The following PDE4D variants were observed in gnomAD, a reference collection of about 807,000 sequenced individuals.
The protein encoded by PDE4D is phosphodiesterase 4D.
In PDE4D, 24 loss-of-function variants were observed where a neutral mutation model predicts 87.4. The observed-to-expected ratio is 0.27, with a 90% CI of 0.20 to 0.39. PDE4D has a LOEUF of 0.39. Among genes scored for constraint, PDE4D ranks in the 10% least tolerant of loss-of-function variants. The pLI is 1.00. For synonymous variants in PDE4D, 384 were observed against 383.2 expected (o/e 1.00, Z -0.02); for missense variants, 714 against 1,041.0 (o/e 0.69, Z 4.32).
chr5:60,331,349 G>A (rs945671081), intron 1 of PDE4D, among the ~76,000 whole-genome samples: 4 of 152,160 alleles, frequency 2.6e-5, no homozygotes, highest in East Asian at 1.9e-4. Context: ...CATATGCAAC[G>A]CACCTAAGAA....
chr5:60,267,245 T>G (rs1017200533), intron 1 of PDE4D, among the ~76,000 whole-genome samples: 1 of 152,212 alleles, frequency 6.6e-6, no homozygotes, highest in Non-Finnish European at 1.5e-5. Context: ...TCAGGGCCAG[T>G]TATTATCTAT....
chr5:59,389,495 G>A (rs1352886997), intron 1 of PDE4D, among the ~76,000 whole-genome samples: 1 of 151,880 alleles, frequency 6.6e-6, no homozygotes, highest in African/African-American at 2.4e-5. Flanking sequence ...ATACACTGAC[G>A]ATGGGAATGT....
intron 1 of PDE4D, among the ~76,000 whole-genome samples, chr5:59,741,213 C>A (rs546767291): frequency 6.6e-6 from 1 of 152,210 alleles, no homozygotes; most frequent in African/African-American, 2.4e-5. Flanking sequence ...AATGTGTGAC[C>A]TTGGACACTT....
chr5:59,634,487 T>C lies in PDE4D; in HGVS notation c.455+258681A>G, dbSNP rs920796911. Among the ~76,000 whole-genome samples the C allele has an allele frequency of 1.1e-4, 16 of 152,268 alleles. No individual in the cohort carries two copies. The East Asian group carries it at 3.1e-3, about 29-fold the overall frequency. ...CTAAAATTGACCACATAATTGGAAATAAAACACTCCTCAGCAAATGCAAAA... is the reference window on the plus strand; with the variant it reads ...CTAAAATTGACCACATAATTGGAAACAAAACACTCCTCAGCAAATGCAAAA... On this transcript the variant is annotated intron_variant, in intron 1 of 14. Coordinates refer to ENST00000340635, the MANE Select transcript of PDE4D (RefSeq NM_001104631.2).
At chr5:60,475,823 GAAAAAAAAAAA>G (rs397792795) in intron 1 of PDE4D, among the ~76,000 whole-genome samples, 1 of 95,064 alleles carries the variant, frequency 1.1e-5, no homozygotes, top group African/African-American at 3.4e-5. Flanking sequence ...TCTGTTAAAT[GAAAAAAAAAAA>G]AAAAAAAAGA....
intron 1 of PDE4D, among the ~76,000 whole-genome samples, chr5:60,393,448 A>T (rs1255384123): frequency 6.6e-6 from 1 of 152,198 alleles, no homozygotes; most frequent in Non-Finnish European, 1.5e-5. Context: ...AGATTTATGA[A>T]GAAGAACCTT....
At chr5:59,685,451 T>A (rs1411217988) in intron 1 of PDE4D, among the ~76,000 whole-genome samples, 2 of 152,214 alleles carry the variant, frequency 1.3e-5, no homozygotes, top group Non-Finnish European at 2.9e-5. Flanking sequence ...GGGCCATTTG[T>A]CACTTTTTCT....
At chr5:59,720,973 T>C (rs1290379226) in intron 1 of PDE4D, among the ~76,000 whole-genome samples, 2 of 152,196 alleles carry the variant, frequency 1.3e-5, no homozygotes, top group African/African-American at 4.8e-5. Flanking sequence ...TTAGAGGTTC[T>C]CATTTAGTAG....
At position 59,067,498 on chromosome 5, in the gene PDE4D, C is replaced by T. The variant is rs192839801; in HGVS notation, c.809-28527G>A. 6.6e-5 allele frequency among the ~76,000 whole-genome samples: 10 copies of T among 152,260 alleles called. No individual in the cohort carries two copies. The East Asian group carries it at 1.7e-3, about 26-fold the overall frequency. ...TGCAGTAAGTTACCTATACCTTATTCCATTTCTAATCTATATGATGGCATT... is the reference window on the plus strand; with the variant it reads ...TGCAGTAAGTTACCTATACCTTATTTCATTTCTAATCTATATGATGGCATT... On this transcript the variant is annotated intron_variant, in intron 5 of 14. Coordinates refer to ENST00000340635, the MANE Select transcript of PDE4D (RefSeq NM_001104631.2).
intron 1 of PDE4D, among the ~76,000 whole-genome samples, chr5:59,338,205 A>T (rs73092938): frequency 0.018 from 2,702 of 152,320 alleles, 84 homozygotes; most frequent in African/African-American, 0.061. Flanking sequence ...CTCACAGCCA[A>T]CAATCAACTG....
At chr5:59,590,483 G>C (rs1203513744) in intron 1 of PDE4D, among the ~76,000 whole-genome samples, 5 of 152,054 alleles carry the variant, frequency 3.3e-5, no homozygotes, top group Non-Finnish European at 7.4e-5. Flanking sequence ...TCAAGACCAG[G>C]CTGGGAAACA....
At chr5:60,117,718 C>T (rs142888037) in intron 2 of PDE4D, among the ~76,000 whole-genome samples, 1 of 152,046 alleles carries the variant, frequency 6.6e-6, no homozygotes, top group East Asian at 1.9e-4. Context: ...CCTTTTCTCA[C>T]CATACATGAA....
chr5:59,254,693 A>G (rs1351199097), intron 1 of PDE4D, among the ~76,000 whole-genome samples: 1 of 152,094 alleles, frequency 6.6e-6, no homozygotes, highest in African/African-American at 2.4e-5. Context: ...TAATTAGCAC[A>G]CATAGTAAAA....
chr5:59,178,641 C>T (rs1047513788), intron 5 of PDE4D, among the ~76,000 whole-genome samples: 1 of 152,168 alleles, frequency 6.6e-6, no homozygotes, highest in African/African-American at 2.4e-5. Flanking sequence ...GACCACTGAG[C>T]ACCCAACCAT....
intron 3 of PDE4D, among the ~76,000 whole-genome samples, chr5:59,921,104 A>T (rs551004192): frequency 1.3e-5 from 2 of 152,344 alleles, no homozygotes; most frequent in East Asian, 3.9e-4. Context: ...CACATAAAAC[A>T]TCCTTACTAA....
intron 1 of PDE4D, among the ~76,000 whole-genome samples, chr5:59,847,482 A>G (rs1744037311): frequency 6.6e-6 from 1 of 152,088 alleles, no homozygotes; most frequent in Non-Finnish European, 1.5e-5. Flanking sequence ...GTAAGGCTAC[A>G]TGCCAGACTG....
At chr5:59,806,195 C>G (rs1041629161) in intron 1 of PDE4D, among the ~76,000 whole-genome samples, 3 of 152,178 alleles carry the variant, frequency 2.0e-5, no homozygotes, top group African/African-American at 7.2e-5. Flanking sequence ...TTCACTCAGA[C>G]AGCGTTCCTC....
intron 1 of PDE4D, among the ~76,000 whole-genome samples, chr5:60,274,917 G>C (rs1227916964): frequency 1.3e-5 from 2 of 152,240 alleles, no homozygotes; most frequent in Non-Finnish European, 2.9e-5. Flanking sequence ...ATCTGTGACA[G>C]TGTGTAATAT....
chr5:59,507,056 G>T (rs1809390123), intron 1 of PDE4D, among the ~76,000 whole-genome samples: 1 of 152,170 alleles, frequency 6.6e-6, no homozygotes, highest in Non-Finnish European at 1.5e-5. Context: ...AATGGGCCAG[G>T]CACAGTGGCT....
Sources: allele counts gnomAD v4.1 joint callset (sites outside exome capture counted in the v4.1 genomes callset), GRCh38; gene constraint gnomAD v4.1.1; transcripts MANE v1.5; gene names NCBI Gene and HGNC (gene_info 2026-07-23, HGNC 2026-07-21).